MGRN1: variants seen among roughly 807,000 people sequenced by gnomAD.
MGRN1 encodes the protein mahogunin ring finger 1, also known as E3 ubiquitin-protein ligase MGRN1.
MGRN1 carries 29 observed loss-of-function variants against 69.2 expected under a neutral mutation model. The ratio of observed to expected loss-of-function variants is 0.42; its 90% confidence interval spans 0.31 to 0.57. The LOEUF (loss-of-function observed/expected upper bound fraction) is 0.57. Ranked by LOEUF, MGRN1 falls within the 20% of genes least tolerant of loss-of-function variation. MGRN1 has a pLI of 0.15. For missense variants in MGRN1, 998 were observed against 796.2 expected (o/e 1.25, Z -3.05); for synonymous variants, 470 against 344.2 (o/e 1.37, Z -4.04).
At chr16:4,647,576 A>T (rs1297616654) in intron 1 of MGRN1, among the ~76,000 whole-genome samples, 1 of 152,228 alleles carries the variant, frequency 6.6e-6, no homozygotes, top group Non-Finnish European at 1.5e-5. Flanking sequence ...TTCTCTGTGT[A>T]TTCACAATTT....
intron 4 of MGRN1, among the ~76,000 whole-genome samples, chr16:4,653,152 C>T (rs553595587): frequency 6.6e-6 from 1 of 152,196 alleles, no homozygotes; most frequent in Admixed American, 6.5e-5. Context: ...TTCTCAGCAA[C>T]CAGCCATAAA....
chr16:4,640,251 CT>C (rs1315316125), intron 1 of MGRN1: 3 of 152,444 alleles, frequency 2.0e-5, no homozygotes, highest in Non-Finnish European at 4.4e-5. Flanking sequence ...TCCCCCTCCC[CT>C]GGCCATCCCC....
At chr16:4,671,887 A>G (rs920521176) in intron 9 of MGRN1, among the ~76,000 whole-genome samples, 1 of 152,182 alleles carries the variant, frequency 6.6e-6, no homozygotes, top group South Asian at 2.1e-4. Flanking sequence ...CAGGGAATGT[A>G]GCAGGGGATG....
intron 3 of MGRN1, among the ~76,000 whole-genome samples, 158 bp from the exon 4 acceptor site, chr16:4,652,512 ACCACTGGG>A (rs1380912634): frequency 6.6e-6 from 1 of 152,136 alleles, no homozygotes; most frequent in Non-Finnish European, 1.5e-5. Flanking sequence ...CAAGCCCTGG[ACCACTGGG>A]CTTTCATGTA....
intron 4 of MGRN1, 109 bp from the exon 5 acceptor site, chr16:4,657,137 C>A: frequency 2.9e-6 from 3 of 1,030,088 alleles, no homozygotes; most frequent in South Asian, 2.8e-5. Flanking sequence ...GAGAGAGGGT[C>A]CCCAAAAGAC....
chr16:4,677,392 TG>T, intron 10 of MGRN1, 70 bp from the exon 11 acceptor site: 1 of 1,263,910 alleles, frequency 7.9e-7, no homozygotes, highest in Non-Finnish European at 1.1e-6. Flanking sequence ...TGTTGATCCC[TG>T]GGGCTGGGAG....
chr16:4,686,624 G>A, intron 16 of MGRN1: 1 of 1,174,828 alleles, frequency 8.5e-7, no homozygotes, highest in Non-Finnish European at 1.1e-6. Flanking sequence ...CACAGCCCAG[G>A]TGCGCCAGAG....
chr16:4,683,149 G>T, intron 14 of MGRN1, 75 bp from the exon 15 acceptor site: 1 of 1,584,882 alleles, frequency 6.3e-7, no homozygotes, highest in African/African-American at 1.3e-5. Context: ...GGAGGGCCGT[G>T]CCTGATGGCG....
At position 4,668,704 on chromosome 16, in the gene MGRN1, ACACTCACACT is replaced by A. The variant is rs559682786; in HGVS notation, c.726+401_726+410del. ...GACACACTCGTACACATACACACAT[ACACTCACACT>A]CACTCACATATACATAGACACATAC... On this transcript the variant is annotated intron_variant, in intron 8 of 16. Transcript: ENST00000262370. Among the ~76,000 whole-genome samples the A allele has an allele frequency of 3.9e-4, 58 of 150,526 alleles. No individual in the cohort carries two copies. The East Asian group carries it at 9.1e-3, about 24-fold the overall frequency.
intron 7 of MGRN1, 24 bp from the exon 8 acceptor site, chr16:4,668,241 C>G (rs1219005237): frequency 1.9e-6 from 3 of 1,612,404 alleles, no homozygotes; most frequent in Non-Finnish European, 8.5e-7. Flanking sequence ...ACCACCTTAA[C>G]CTCTTTGTCT....
chr16:4,687,880 G>A (rs910262122), intron 16 of MGRN1: 9 of 985,386 alleles, frequency 9.1e-6, no homozygotes, highest in African/African-American at 1.7e-5. Context: ...TGAGCCCAGC[G>A]AGTCCCTCTG....
At chr16:4,688,682 C>A in intron 16 of MGRN1, 114 bp from the exon 17 acceptor site, 2 of 1,448,358 alleles carry the variant, frequency 1.4e-6, no homozygotes, top group Non-Finnish European at 9.2e-7. Context: ...CCACAGGCGG[C>A]GGGAGTGGGG....
intron 16 of MGRN1, chr16:4,687,212 C>CA (rs1555460613): frequency 5.1e-6 from 5 of 985,292 alleles, no homozygotes; most frequent in Non-Finnish European, 6.0e-6. Context: ...CCCCATCCCC[C>CA]CCAAGAGGCG....
chr16:4,669,949 C>G (rs1266599770), intron 8 of MGRN1, among the ~76,000 whole-genome samples: 1 of 145,838 alleles, frequency 6.9e-6, no homozygotes, highest in Non-Finnish European at 1.5e-5. Flanking sequence ...TAGGCCACAG[C>G]TAACAGTTAC....
chr16:4,672,761 T>C (rs2078967768), intron 9 of MGRN1, among the ~76,000 whole-genome samples: 1 of 152,260 alleles, frequency 6.6e-6, no homozygotes, highest in Non-Finnish European at 1.5e-5. Context: ...GGCTTTCTTT[T>C]TGTCCAGTTG....
intron 16 of MGRN1, chr16:4,688,223 C>T: frequency 1.0e-6 from 1 of 985,722 alleles, no homozygotes; most frequent in Non-Finnish European, 1.2e-6. Context: ...GCACCATTGC[C>T]CAAGCCCCAG....
chr16:4,628,124 C>G (rs1455115548), intron 1 of MGRN1, among the ~76,000 whole-genome samples: 1 of 148,644 alleles, frequency 6.7e-6, no homozygotes, highest in South Asian at 2.1e-4. Flanking sequence ...CGGTGGCTCA[C>G]GCCTGTAATC....
At chr16:4,642,079 G>C (rs1423501740) in intron 1 of MGRN1, among the ~76,000 whole-genome samples, 4 of 151,420 alleles carry the variant, frequency 2.6e-5, no homozygotes, top group Non-Finnish European at 2.9e-5. Context: ...GGGTCCATCC[G>C]GTAACCCTGC....
intron 13 of MGRN1, among the ~76,000 whole-genome samples, chr16:4,682,388 CTG>C (rs1397067579): frequency 6.6e-6 from 1 of 152,210 alleles, no homozygotes. Flanking sequence ...CAGGGGGACT[CTG>C]TGCCTCAGGC....
Sources: gnomAD v4.1 joint callset for allele counts (sites outside exome capture counted in the v4.1 genomes callset) on GRCh38, gnomAD v4.1.1 for gene constraint, MANE v1.5 for transcripts, NCBI Gene and HGNC (gene_info 2026-07-23, HGNC 2026-07-21) for gene names.